ELMOD1: variants seen among roughly 807,000 people sequenced by gnomAD.
ELMOD1 encodes ELMO domain containing 1, also known as ELMO domain-containing protein 1.
Under a neutral mutation model 46.7 loss-of-function variants are expected in ELMOD1, and 21 were observed. The ratio of observed to expected loss-of-function variants is 0.45; its 90% CI spans 0.32 to 0.65. The LOEUF is 0.65. Among genes scored for constraint, ELMOD1 ranks in the 30% least tolerant of loss-of-function variants. The pLI is 0.04. For synonymous variants in ELMOD1, 122 were observed against 138.2 expected, an observed-to-expected ratio of 0.88 and a Z score of 0.82; for missense variants, 348 against 407.8, an observed-to-expected ratio of 0.85 and a Z score of 1.26.
rs950181260 is a variant in ELMOD1 at position 107,618,090 on chromosome 11, A to C, written c.-85-15A>C. The C allele has an allele frequency of 1.8e-5, 24 of 1,352,386 alleles. No homozygotes were observed. The highest frequency in any genetic ancestry group is 2.5e-5 in the Non-Finnish European group (24 of 966,338). 83.8% of individuals were successfully genotyped at this position (1,352,386 alleles called of 1,614,324 possible). A position where few individuals can be genotyped will look rare whatever the true frequency, so the allele number is the denominator to read the frequency against. ...TTATTAGTAAATATACCTAATATCT[A>C]ATTTCTTCCCACAGTTGACACTTAC... On this transcript the variant is annotated splice_polypyrimidine_tract_variant and intron_variant, in intron 1 of 11. Coordinates refer to ENST00000265840, the MANE Select transcript of ELMOD1 (RefSeq NM_018712.4).
At chr11:107,608,484 A>G (rs755238719) in intron 1 of ELMOD1, among the ~76,000 whole-genome samples, 5 of 152,226 alleles carry the variant, frequency 3.3e-5, no homozygotes, top group Non-Finnish European at 4.4e-5. Context: ...CATAAGTTAC[A>G]GTGTGGACCG....
chr11:107,615,868 G>T (rs1360922495), intron 1 of ELMOD1, among the ~76,000 whole-genome samples: 1 of 151,922 alleles, frequency 6.6e-6, no homozygotes, highest in African/African-American at 2.4e-5. Flanking sequence ...TATATGTTTG[G>T]GGGAGTAAAG....
At chr11:107,619,899 T>C (rs1325827543) in intron 2 of ELMOD1, 2 of 146,924 alleles carry the variant, frequency 1.4e-5, no homozygotes, top group African/African-American at 5.5e-5. Context: ...TGGCATTGAT[T>C]ATTTATGTGA....
intron 1 of ELMOD1, among the ~76,000 whole-genome samples, chr11:107,608,374 C>T (rs1490967865): frequency 1.3e-5 from 2 of 151,526 alleles, no homozygotes; most frequent in Non-Finnish European, 1.5e-5. Flanking sequence ...AACATATTTT[C>T]ACCTGTAAAG....
intron 1 of ELMOD1, among the ~76,000 whole-genome samples, chr11:107,596,716 C>T (rs1208900061): frequency 6.6e-6 from 1 of 152,090 alleles, no homozygotes; most frequent in Non-Finnish European, 1.5e-5. Context: ...TTTTGACTTT[C>T]ATATTCTGTC....
At chr11:107,611,341 G>A (rs112400528) in intron 1 of ELMOD1, among the ~76,000 whole-genome samples, 7 of 152,070 alleles carry the variant, frequency 4.6e-5, no homozygotes, top group African/African-American at 1.7e-4. Context: ...ATCTGACAAG[G>A]ATCTAAAACC....
intron 1 of ELMOD1, among the ~76,000 whole-genome samples, chr11:107,603,674 C>T (rs906032703): frequency 3.3e-5 from 5 of 152,218 alleles, no homozygotes; most frequent in Non-Finnish European, 7.4e-5. Context: ...CTCAGGAGTT[C>T]GAGACCAGCC....
At chr11:107,647,652 C>T in intron 7 of ELMOD1, 51 bp downstream of exon 7, 1 of 1,561,072 alleles carries the variant, frequency 6.4e-7, no homozygotes, top group Non-Finnish European at 8.7e-7. Flanking sequence ...TTGGTCTCCT[C>T]ATACTGAAAT....
At chr11:107,592,474 C>G (rs768057584) in intron 1 of ELMOD1, 18 of 533,018 alleles carry the variant, frequency 3.4e-5, no homozygotes, top group Non-Finnish European at 6.6e-5. Context: ...CCGTCCTTAA[C>G]TGGTGCTGCC....
At chr11:107,600,769 T>C (rs954823190) in intron 1 of ELMOD1, 17 of 152,696 alleles carry the variant, frequency 1.1e-4, no homozygotes, top group African/African-American at 4.1e-4. Context: ...ACATCTGTAA[T>C]GTGTGGCCTG....
intron 1 of ELMOD1, among the ~76,000 whole-genome samples, chr11:107,606,429 CTTATT>C (rs1266371000): frequency 6.6e-6 from 1 of 152,178 alleles, no homozygotes; most frequent in African/African-American, 2.4e-5. Flanking sequence ...GGAGGGCAGG[CTTATT>C]TTGGAGAACT....
chr11:107,656,638 T>G (rs1866638812), intron 11 of ELMOD1, among the ~76,000 whole-genome samples: 1 of 152,020 alleles, frequency 6.6e-6, no homozygotes, highest in Non-Finnish European at 1.5e-5. Flanking sequence ...AAATCTACAC[T>G]TATATTTTCA....
intron 2 of ELMOD1, chr11:107,625,525 C>A (rs961076960): frequency 2.0e-6 from 2 of 985,264 alleles, no homozygotes; most frequent in African/African-American, 3.5e-5. Flanking sequence ...CATAGTGTTG[C>A]ATTACAGGTA....
Position 107,631,630 on chromosome 11 carries a change from A to G in ELMOD1, c.243A>G (p.Ile81Met). ...SVHPDAIEKT[I>M]EDIMELKKIN... is the part of the protein sequence containing the mutation. ...ACCCCGACGCTATTGAAAAAACTAT[A>G]GAAGATATCATGGAACTGAAAAAAA... Residue 81 changes from isoleucine to methionine, a missense_variant, in exon 5 of 12, where the codon ATA becomes ATG. Coordinates refer to ENST00000265840, the MANE Select transcript of ELMOD1 (RefSeq NM_018712.4). 6.4e-7 allele frequency: 1 copy of G among 1,564,448 alleles called. No individual in the cohort carries two copies. The highest frequency in any genetic ancestry group is 8.7e-7 in the Non-Finnish European group (1 of 1,153,450).
At chr11:107,626,314 C>T (rs79559298) in intron 2 of ELMOD1, among the ~76,000 whole-genome samples, 4 of 142,142 alleles carry the variant, frequency 2.8e-5, no homozygotes, top group African/African-American at 1.1e-4. Context: ...GTACAAGAGA[C>T]AGTAAGTGGG....
At position 107,635,706 on chromosome 11, in the gene ELMOD1, A is replaced by G. The variant is rs1206356583; in HGVS notation, c.361A>G (p.Lys121Glu). The G allele has an allele frequency of 1.2e-6, 2 of 1,613,942 alleles. No individual in the cohort carries two copies. Among genetic ancestry groups the G allele is most frequent in the South Asian group, 1.1e-5 (1 of 91,076 alleles). ...CAGGAACCTTATTGCAGATGTGGAA[A>G]AACTGCGTAGAGAGGCCTATGATTC... ...GYRNLIADVE[K>E]LRREAYDSDN... The change falls in exon 6 of 12, where the codon AAA (lysine) becomes GAA (glutamate). Residue 121 changes from lysine (K) to glutamate (E), a missense_variant. Physicochemically the swap from Lys to Glu is moderately conservative, Grantham distance 56. Transcript: ENST00000265840.
At chr11:107,661,974 C>A (rs1591142324) in intron 11 of ELMOD1, among the ~76,000 whole-genome samples, 1 of 152,110 alleles carries the variant, frequency 6.6e-6, no homozygotes, top group Non-Finnish European at 1.5e-5. Context: ...AACCAGATGA[C>A]AAACAGTCTC....
At chr11:107,661,719 T>A (rs7944696) in intron 11 of ELMOD1, among the ~76,000 whole-genome samples, 2,431 of 152,328 alleles carry the variant, frequency 0.016, 55 homozygotes, top group African/African-American at 0.049. Flanking sequence ...AGAATCTTCT[T>A]GACCAAAGTT....
chr11:107,605,353 C>T (rs974114248), intron 1 of ELMOD1, among the ~76,000 whole-genome samples: 1 of 152,054 alleles, frequency 6.6e-6, no homozygotes, highest in Non-Finnish European at 1.5e-5. Flanking sequence ...GCGCATGCCA[C>T]CATGCCTGGC....
Sources: gnomAD v4.1 joint callset for allele counts (sites outside exome capture counted in the v4.1 genomes callset) on GRCh38, gnomAD v4.1.1 for gene constraint, MANE v1.5 for transcripts, NCBI Gene and HGNC (gene_info 2026-07-23, HGNC 2026-07-21) for gene names.